TRAPPC11: variants seen among roughly 807,000 people sequenced by gnomAD.
The protein encoded by TRAPPC11 is trafficking protein particle complex subunit 11.
TRAPPC11 carries 104 observed loss-of-function variants against 151.2 expected under a neutral mutation model. The ratio of observed to expected loss-of-function variants is 0.69; its 90% CI spans 0.59 to 0.81. The LOEUF (loss-of-function observed/expected upper bound fraction) is 0.81, where lower values mean the gene tolerates loss of function less well. TRAPPC11 is among the 30% of genes least tolerant of loss of function. The probability of loss-of-function intolerance (pLI) is 0.00; values close to 1 mark genes in which losing one functional copy is unlikely to be tolerated. For missense variants in TRAPPC11, 1,230 were observed against 1,349.6 expected, an observed-to-expected ratio of 0.91 and a Z score of 1.39; for synonymous variants, 456 against 472.3, an observed-to-expected ratio of 0.97 and a Z score of 0.45.
intron 25 of TRAPPC11, chr4:183,701,417 C>G: frequency 3.4e-6 from 1 of 290,858 alleles, no homozygotes; most frequent in East Asian, 6.4e-5. Flanking sequence ...TTGATTCTGT[C>G]TCTAAGCTTT....
Position 183,667,135 on chromosome 4 carries a change from C to G in TRAPPC11, c.445+5C>G, listed in dbSNP as rs772845945. 6.3e-7 allele frequency: 1 copy of G among 1,599,238 alleles called. No individual in the cohort carries two copies. The highest frequency in any genetic ancestry group is 8.5e-7 in the Non-Finnish European group (1 of 1,169,842). On this transcript the variant is annotated splice_donor_5th_base_variant and intron_variant, in intron 4 of 29. Coordinates refer to ENST00000334690, the MANE Select transcript of TRAPPC11 (RefSeq NM_021942.6). ...AGAAAACCCCTTTGCCCCCAGGTATCAGAAGTCTAATTAATGAATTAATTG... is the reference window on the plus strand; with the variant it reads ...AGAAAACCCCTTTGCCCCCAGGTATGAGAAGTCTAATTAATGAATTAATTG...
intron 18 of TRAPPC11, among the ~76,000 whole-genome samples, chr4:183,691,025 A>G (rs1736232020): frequency 6.6e-6 from 1 of 152,332 alleles, no homozygotes; most frequent in South Asian, 2.1e-4. Flanking sequence ...AGGCTCTTCA[A>G]GAAAAGGAGG....
chr4:183,681,493 T>A (rs10027802), intron 10 of TRAPPC11, among the ~76,000 whole-genome samples: 74,824 of 152,022 alleles, frequency 0.49, 19,034 homozygotes, highest in African/African-American at 0.62. Context: ...AAAATGTAAA[T>A]TAATGGGCCG....
At chr4:183,666,545 C>G in intron 3 of TRAPPC11, 119 bp downstream of exon 3, 1 of 975,502 alleles carries the variant, frequency 1.0e-6, no homozygotes, top group Non-Finnish European at 1.5e-6. Flanking sequence ...GGATTGACCT[C>G]CAGTGAATCT....
At position 183,708,419 on chromosome 4, in the gene TRAPPC11, A is replaced by T. The variant is rs754701195; in HGVS notation, c.3202A>T (p.Ile1068Phe). ...FSGLKQIRLR[I>F]LPGTEQEMLY... ...TTTTATGATGCAGATTCGATTACGT[A>T]TCCTCCCTGGCACGGAGCAGGAAAT... The change falls in exon 29 of 30, where the codon ATC becomes TTC. Residue 1068 changes from isoleucine (I) to phenylalanine (F), a missense_variant. Physicochemically the swap from Ile to Phe is conservative, Grantham distance 21 (BLOSUM62 0). Coordinates refer to ENST00000334690, the MANE Select transcript of TRAPPC11 (RefSeq NM_021942.6). The T allele has an allele frequency of 6.2e-7, 1 of 1,612,910 alleles. No individual in the cohort carries two copies. The highest frequency in any genetic ancestry group is 1.1e-5 in the South Asian group (1 of 90,892).
At chr4:183,659,692 T>C (rs903373205) in intron 1 of TRAPPC11, among the ~76,000 whole-genome samples, 1 of 152,210 alleles carries the variant, frequency 6.6e-6, no homozygotes, top group African/African-American at 2.4e-5. Flanking sequence ...CTACCTTTCC[T>C]CACTGGAGCT....
chr4:183,702,065 T>C (rs1022996071), intron 26 of TRAPPC11, among the ~76,000 whole-genome samples: 7 of 152,182 alleles, frequency 4.6e-5, no homozygotes, highest in Non-Finnish European at 8.8e-5. Flanking sequence ...GTTCATGGGC[T>C]GGGCGCAGTG....
rs779269020 is a variant in TRAPPC11, at chr4:183,706,954, C to T, written c.3189+14C>T. 34 of 1,611,496 alleles carry T rather than the reference C, an allele frequency of 2.1e-5. No individual in the cohort carries two copies. Among genetic ancestry groups the T allele is most frequent in the Non-Finnish European group, 2.6e-5 (31 of 1,178,782 alleles). ...GGTCTCAAACAGGTACAGGTCATAT[C>T]TTGTGATGCTTATGTTGACACAAAA... On this transcript the variant is annotated intron_variant, in intron 28 of 29. Transcript: ENST00000334690.
chr4:183,696,214 C>A (rs887007789), intron 23 of TRAPPC11, among the ~76,000 whole-genome samples: 1 of 152,124 alleles, frequency 6.6e-6, no homozygotes, highest in Non-Finnish European at 1.5e-5. Context: ...CCCAGGGTCA[C>A]GTCATTAGGT....
At chr4:183,696,401 A>AT (rs1356347185) in intron 23 of TRAPPC11, among the ~76,000 whole-genome samples, 1 of 151,520 alleles carries the variant, frequency 6.6e-6, no homozygotes, top group Non-Finnish European at 1.5e-5. Flanking sequence ...TCTTTCTTTT[A>AT]TTTTTTTATT....
rs1736383201 is a variant in TRAPPC11 at position 183,693,744 on chromosome 4, A to T, written c.2386+7A>T. 2 of 1,612,598 alleles carry T rather than the reference A, an allele frequency of 1.2e-6. No individual in the cohort carries two copies. The highest frequency in any genetic ancestry group is 1.7e-5 in the Admixed American group (1 of 59,670). On this transcript the variant is annotated splice_region_variant and intron_variant, in intron 21 of 29. Transcript: ENST00000334690. ...ACCGCTGGCTTAAAACCAGGTAAGC[A>T]TTCCTTTTTGTAAGTTTGATCAGTA...
intron 5 of TRAPPC11, among the ~76,000 whole-genome samples, chr4:183,673,437 A>C (rs1735253359): frequency 6.6e-6 from 1 of 152,146 alleles, no homozygotes; most frequent in South Asian, 2.1e-4. Context: ...ACTTTGGGAG[A>C]TCGAGGCATT....
At chr4:183,711,831 A>G (rs1035061648) in intron 29 of TRAPPC11, among the ~76,000 whole-genome samples, 1 of 152,202 alleles carries the variant, frequency 6.6e-6, no homozygotes, top group African/African-American at 2.4e-5. Flanking sequence ...AAGGTCTGCT[A>G]TTGTATATCT....
chr4:183,692,370 T>TAA (rs33971588), intron 19 of TRAPPC11, among the ~76,000 whole-genome samples: 1 of 146,596 alleles, frequency 6.8e-6, no homozygotes, highest in African/African-American at 2.5e-5. Context: ...GCTTATTCAT[T>TAA]AAAAAAAAAA....
Position 183,692,952 on chromosome 4 carries a change from CT to C in TRAPPC11, c.2050-3del. 1 of 1,574,854 alleles carries C rather than the reference CT, an allele frequency of 6.3e-7. No homozygotes were observed. The highest frequency in any genetic ancestry group is 8.6e-7 in the Non-Finnish European group (1 of 1,161,678). Reference sequence around the variant, plus strand: ...TGACATTTCCAACATCCTTTTTTTTCTTTTTAGATTACTTCAGTGGATCTTG... The same window carrying C: ...TGACATTTCCAACATCCTTTTTTTTCTTTTAGATTACTTCAGTGGATCTTG... On this transcript the variant is annotated splice_region_variant and splice_polypyrimidine_tract_variant and intron_variant, in intron 19 of 29. Transcript: ENST00000334690.
chr4:183,683,608 C>T (rs1041219698), intron 11 of TRAPPC11, among the ~76,000 whole-genome samples: 1 of 152,168 alleles, frequency 6.6e-6, no homozygotes, highest in African/African-American at 2.4e-5. Context: ...GCGCAGTGAG[C>T]TGTGATTGTA....
At chr4:183,689,938 C>T (rs991982219) in intron 18 of TRAPPC11, among the ~76,000 whole-genome samples, 3 of 152,136 alleles carry the variant, frequency 2.0e-5, no homozygotes, top group South Asian at 2.1e-4. Context: ...CGCAGTGGCT[C>T]ACGCCTGTAA....
rs60142264 is a variant in TRAPPC11, at chr4:183,666,322, G to C, written c.270G>C (p.Leu90=). 2,137 of 1,614,172 alleles carry C rather than the reference G, an allele frequency of 1.3e-3. 17 individuals carry two copies. In the African/African-American group the frequency reaches 0.025, roughly 19 times the overall value. The part of the protein sequence containing the change: ...ILKTGWMNKH[L]NLVPALVVVF... Reference sequence around the variant, plus strand: ...AGACTGGCTGGATGAATAAGCATCTGAATCTGGTGCCAGCCCTGGTGGTTG... The same window carrying C: ...AGACTGGCTGGATGAATAAGCATCTCAATCTGGTGCCAGCCCTGGTGGTTG... The change falls in exon 3 of 30, where the codon CTG becomes CTC. Residue 90 remains leucine (L), a synonymous_variant. Coordinates refer to ENST00000334690, the MANE Select transcript of TRAPPC11 (RefSeq NM_021942.6).
intron 25 of TRAPPC11, among the ~76,000 whole-genome samples, chr4:183,699,419 A>G (rs1354981262): frequency 2.0e-5 from 3 of 152,208 alleles, no homozygotes; most frequent in Non-Finnish European, 2.9e-5. Flanking sequence ...GTATTTGTAA[A>G]TATGGCTCCC....
Sources: gnomAD v4.1 joint callset for allele counts (sites outside exome capture counted in the v4.1 genomes callset) on GRCh38, gnomAD v4.1.1 for gene constraint, MANE v1.5 for transcripts, NCBI Gene and HGNC (gene_info 2026-07-23, HGNC 2026-07-21) for gene names.